The following DISP1 variants were observed in gnomAD, a reference collection of about 807,000 sequenced individuals.
DISP1 encodes the protein dispatched RND transporter family member 1.
In DISP1, 30 loss-of-function variants were observed where a neutral mutation model predicts 37.3. The observed-to-expected ratio is 0.80, with a 90% CI of 0.60 to 1.09. The LOEUF is 1.09. Ranked by LOEUF, DISP1 falls within the 50% of genes least tolerant of loss-of-function variation. The pLI is 0.00. For missense variants in DISP1, 1,598 were observed against 1,879.5 expected (o/e 0.85, Z 2.77); for synonymous variants, 634 against 690.2 (o/e 0.92, Z 1.28).
chr1:222,893,543 C>T lies in DISP1; in HGVS notation c.-158-34887C>T. 6.6e-6 allele frequency among the ~76,000 whole-genome samples: 1 copy of T among 152,348 alleles called. No homozygotes were observed. Among genetic ancestry groups the T allele is most frequent in the African/African-American group, 2.4e-5 (1 of 41,594 alleles). The stretch of plus-strand genomic sequence containing the variant: ...TGGCTGCTGTGCACAGACAGCTAGG[C>T]ACATCAGCTGCTGTGGCAGGGCGGG... On this transcript the variant is annotated intron_variant, in intron 1 of 8. Coordinates refer to ENST00000675850, the MANE Select transcript of DISP1 (RefSeq NM_001377229.1). The surrounding 1 kb of genome is among the most constrained non-coding windows in gnomAD (Gnocchi z 4.3).
At chr1:222,927,175 A>C (rs887695631) in intron 1 of DISP1, among the ~76,000 whole-genome samples, 1 of 151,666 alleles carries the variant, frequency 6.6e-6, no homozygotes, top group Non-Finnish European at 1.5e-5. Context: ...AAGGATTCCA[A>C]TTTCTCCATG....
intron 4 of DISP1, among the ~76,000 whole-genome samples, chr1:222,984,640 CAT>C (rs1179565054): frequency 6.6e-6 from 1 of 151,210 alleles, no homozygotes; most frequent in African/African-American, 2.4e-5. Flanking sequence ...GTATATATAA[CAT>C]ATATGTTGCC....
Position 222,984,994 on chromosome 1 carries a change from A to G in DISP1, c.539+1885A>G, listed in dbSNP as rs1467792625. ...TTTTTGTAAGGCTGAATAATATTCC[A>G]TTGTATGTATATACTACATTTTGTT... On this transcript the variant is annotated intron_variant, in intron 4 of 8. Transcript: ENST00000675850. Among the ~76,000 whole-genome samples the G allele has an allele frequency of 2.0e-5, 3 of 152,342 alleles. No homozygotes were observed. In the East Asian group the frequency reaches 5.8e-4, roughly 29 times the overall value.
Position 222,943,594 on chromosome 1 carries a change from T to G in DISP1, c.509+262T>G, listed in dbSNP as rs1558346153. 5 of 535,484 alleles carry G rather than the reference T, an allele frequency of 9.3e-6. No individual in the cohort carries two copies. In the South Asian group the frequency reaches 1.1e-4, roughly 12 times the overall value. 33.2% of individuals were successfully genotyped at this position (535,484 alleles called of 1,614,324 possible). The stretch of plus-strand genomic sequence containing the variant: ...CTGGTTAGGAATATCTGCTAGACCT[T>G]GAGTTATAAAATTCAACAAAAAGTT... On this transcript the variant is annotated intron_variant, in intron 3 of 8. Coordinates refer to ENST00000675850, the MANE Select transcript of DISP1 (RefSeq NM_001377229.1).
At position 222,994,873 on chromosome 1, in the gene DISP1, T is replaced by C. The variant is rs1216299656; in HGVS notation, c.890-12T>C. 2 of 1,580,496 alleles carry C rather than the reference T, an allele frequency of 1.3e-6. No individual in the cohort carries two copies. Among genetic ancestry groups the C allele is most frequent in the African/African-American group, 1.3e-5 (1 of 74,172 alleles). On this transcript the variant is annotated splice_polypyrimidine_tract_variant and intron_variant, in intron 7 of 8. Coordinates refer to ENST00000675850, the MANE Select transcript of DISP1 (RefSeq NM_001377229.1). ...AAACCTTTTTCTTTCCTTTTTTTTT[T>C]CATATCACCAGGTGACCGATATTCC...
intron 1 of DISP1, among the ~76,000 whole-genome samples, chr1:222,815,630 A>G (rs1661008107): frequency 6.6e-6 from 1 of 151,920 alleles, no homozygotes; most frequent in Non-Finnish European, 1.5e-5. Flanking sequence ...TTAGAAATAT[A>G]TCCCGCTCCG....
At chr1:222,894,053 G>A (rs577020903) in intron 1 of DISP1, among the ~76,000 whole-genome samples, 1 of 152,236 alleles carries the variant, frequency 6.6e-6, no homozygotes, top group Non-Finnish European at 1.5e-5. Flanking sequence ...CTCCCAGCCG[G>A]TAGTCCCCAT....
chr1:222,854,383 A>G (rs1183714543), intron 1 of DISP1, among the ~76,000 whole-genome samples: 2 of 152,144 alleles, frequency 1.3e-5, no homozygotes, highest in African/African-American at 2.4e-5. Context: ...AATGAGTGCA[A>G]GCAGGGGAAA....
chr1:222,988,126 T>C (rs1399738856), intron 4 of DISP1, among the ~76,000 whole-genome samples: 1 of 152,242 alleles, frequency 6.6e-6, no homozygotes, highest in East Asian at 1.9e-4. Flanking sequence ...TTTTCAGAAT[T>C]ATTCTAAAAG....
chr1:222,966,021 C>T (rs1281424222), intron 3 of DISP1, among the ~76,000 whole-genome samples: 2 of 151,902 alleles, frequency 1.3e-5, no homozygotes, highest in African/African-American at 4.8e-5. Flanking sequence ...AGAGCAAGAT[C>T]TTGTCTCTAA....
At chr1:222,836,780 C>G (rs1158162669) in intron 1 of DISP1, 1 of 233,608 alleles carries the variant, frequency 4.3e-6, no homozygotes, top group African/African-American at 2.3e-5. Context: ...CACACACACA[C>G]ACCTATTGTT....
chr1:222,930,216 G>T (rs565900931), intron 2 of DISP1, among the ~76,000 whole-genome samples: 1 of 152,186 alleles, frequency 6.6e-6, no homozygotes, highest in South Asian at 2.1e-4. Context: ...TGAGTTCTGG[G>T]ACTGGATCTG....
intron 1 of DISP1, among the ~76,000 whole-genome samples, chr1:222,903,158 G>A (rs1671695057): frequency 6.6e-6 from 1 of 151,700 alleles, no homozygotes; most frequent in African/African-American, 2.4e-5. Flanking sequence ...ATAGGGACAT[G>A]GATGAAACTG....
Position 223,005,835 on chromosome 1 carries a change from TCA to T in DISP1, c.4441_4442del (p.Gln1481LysfsTer36), listed in dbSNP as rs752544238. On this transcript the variant is annotated frameshift_variant, in exon 9 of 9. Transcript: ENST00000675850. LOFTEE classifies it low-confidence loss of function (END_TRUNC). ...TGGTTGTAGGTCTTGCCCAAATAAT[TCA>T]CAAAGTTGTGGCAGAATTGTGAGAG... ...EAGCRSCPNN[S>X]QSCGRIVRVK... 5.0e-6 allele frequency: 8 copies of T among 1,614,088 alleles called. No individual in the cohort carries two copies. The Admixed American group carries it at 8.3e-5, about 17-fold the overall frequency.
intron 1 of DISP1, among the ~76,000 whole-genome samples, chr1:222,911,950 G>A (rs1345812213): frequency 6.6e-6 from 1 of 152,196 alleles, no homozygotes; most frequent in Non-Finnish European, 1.5e-5. Flanking sequence ...AAGTGGACTA[G>A]GAAGAGATTA....
intron 2 of DISP1, among the ~76,000 whole-genome samples, chr1:222,935,885 C>T (rs1673692891): frequency 6.6e-6 from 1 of 152,116 alleles, no homozygotes. Flanking sequence ...ATCCTTTGTA[C>T]AAATTGTGTG....
chr1:222,842,869 A>G (rs1667691837), intron 1 of DISP1, among the ~76,000 whole-genome samples: 1 of 152,064 alleles, frequency 6.6e-6, no homozygotes, highest in Non-Finnish European at 1.5e-5. Flanking sequence ...TCTTTGGGAT[A>G]TAATGCTATA....
chr1:222,917,969 G>T (rs1672589017), intron 1 of DISP1, among the ~76,000 whole-genome samples: 4 of 152,112 alleles, frequency 2.6e-5, no homozygotes, highest in African/African-American at 9.7e-5. Flanking sequence ...CAGACCTCTG[G>T]GCAGAAGGGA....
intron 1 of DISP1, among the ~76,000 whole-genome samples, chr1:222,916,004 T>C (rs778334769): frequency 2.0e-4 from 30 of 152,208 alleles, no homozygotes; most frequent in Non-Finnish European, 3.8e-4. Context: ...CATTATAAGA[T>C]TAGGTAGTGA....
Sources: allele counts gnomAD v4.1 joint callset (sites outside exome capture counted in the v4.1 genomes callset), GRCh38; gene constraint gnomAD v4.1.1; non-coding constraint Gnocchi (gnomAD v3.1); transcripts MANE v1.5; gene names NCBI Gene and HGNC (gene_info 2026-07-23, HGNC 2026-07-21).